The following SMIM36 variants were observed in gnomAD, a reference collection of about 807,000 sequenced individuals.
SMIM36 encodes small integral membrane protein 36.
intron 1 of SMIM36, among the ~76,000 whole-genome samples, chr17:55,486,021 T>C (rs899986078): frequency 1.2e-3 from 79 of 65,014 alleles, no homozygotes; most frequent in Non-Finnish European, 2.4e-3. Context: ...AGAGCTTTCT[T>C]TTTTTTTTTT....
At chr17:55,527,896 C>A in the SMIM36 span, 1 of 152,226 alleles carries the variant, frequency 6.6e-6, no homozygotes, top group Non-Finnish European at 1.5e-5. Context: ...GGTCTGCCTA[C>A]TTAGCCCCAG....
intron 4 of SMIM36, among the ~76,000 whole-genome samples, chr17:55,466,741 A>AC (rs1191816811): frequency 6.6e-6 from 1 of 152,038 alleles, no homozygotes. Flanking sequence ...TATAGGAAGC[A>AC]CCCCGGGTCT....
chr17:55,464,337 T>C (rs773405652), intron 4 of SMIM36, among the ~76,000 whole-genome samples: 106 of 152,248 alleles, frequency 7.0e-4, no homozygotes, highest in Non-Finnish European at 1.3e-3. Context: ...CTTTCCTGAA[T>C]TGAGCTTGTA....
At chr17:55,477,441 T>C (rs1909443741) in intron 3 of SMIM36, among the ~76,000 whole-genome samples, 1 of 152,210 alleles carries the variant, frequency 6.6e-6, no homozygotes, top group Non-Finnish European at 1.5e-5. Context: ...GTCTTCTACA[T>C]GTGTCTGTCT....
the SMIM36 span, among the ~76,000 whole-genome samples, chr17:55,529,609 T>TACACACAC: frequency 0.026 from 3,766 of 142,974 alleles, 176 homozygotes; most frequent in African/African-American, 0.09. Flanking sequence ...CTACTAAAAA[T>TACACACAC]ACACACACAC....
chr17:55,510,034 T>C (rs974120772), intron 1 of SMIM36, among the ~76,000 whole-genome samples: 1 of 152,132 alleles, frequency 6.6e-6, no homozygotes, highest in Admixed American at 6.6e-5. Context: ...TAGCTAACCC[T>C]GTGTGTCAAG....
At chr17:55,469,899 T>G (rs1422680181) in intron 3 of SMIM36, among the ~76,000 whole-genome samples, 1 of 152,112 alleles carries the variant, frequency 6.6e-6, no homozygotes, top group Non-Finnish European at 1.5e-5. Context: ...GGAGAATCAC[T>G]TGAACCTGGG....
At chr17:55,487,079 A>G (rs1229507783) in intron 1 of SMIM36, among the ~76,000 whole-genome samples, 1 of 152,100 alleles carries the variant, frequency 6.6e-6, no homozygotes, top group Non-Finnish European at 1.5e-5. Flanking sequence ...ATTCTAACAT[A>G]ATGGAAACGT....
At chr17:55,507,388 C>G (rs908609730) in intron 1 of SMIM36, among the ~76,000 whole-genome samples, 11 of 137,956 alleles carry the variant, frequency 8.0e-5, no homozygotes, top group African/African-American at 2.8e-4. Context: ...CCATGGAATA[C>G]TATGCAGCCA....
At chr17:55,493,366 C>T (rs114511997) in intron 1 of SMIM36, among the ~76,000 whole-genome samples, 2,768 of 152,236 alleles carry the variant, frequency 0.018, 79 homozygotes, top group African/African-American at 0.059. Flanking sequence ...ACCCCATAAC[C>T]CCAGGCTGCT....
At chr17:55,522,710 C>T in the SMIM36 span, among the ~76,000 whole-genome samples, 33,547 of 151,922 alleles carry the variant, frequency 0.22, 3,963 homozygotes, top group East Asian at 0.51. Context: ...CATGTCACCT[C>T]CATCCCTGGG....
chr17:55,478,021 C>A (rs941536054), intron 3 of SMIM36, among the ~76,000 whole-genome samples: 2 of 151,838 alleles, frequency 1.3e-5, no homozygotes, highest in Non-Finnish European at 2.9e-5. Flanking sequence ...ATGGTGAGAT[C>A]CTGTCTCTAC....
At chr17:55,526,805 C>G in the SMIM36 span, among the ~76,000 whole-genome samples, 1 of 152,144 alleles carries the variant, frequency 6.6e-6, no homozygotes, top group African/African-American at 2.4e-5. Context: ...TCTTTCCCCT[C>G]CCCACACTCT....
intron 1 of SMIM36, among the ~76,000 whole-genome samples, chr17:55,501,762 C>A (rs1001902189): frequency 6.6e-6 from 1 of 151,402 alleles, no homozygotes; most frequent in Non-Finnish European, 1.5e-5. Flanking sequence ...CGGTCTACAG[C>A]TCCCAGCGTG....
intron 4 of SMIM36, among the ~76,000 whole-genome samples, chr17:55,464,155 A>C (rs1909194481): frequency 6.6e-6 from 1 of 152,166 alleles, no homozygotes; most frequent in Admixed American, 6.5e-5. Context: ...AGGATGTTAA[A>C]TGACTTTTCA....
chr17:55,505,118 T>A (rs1453481112), intron 1 of SMIM36, among the ~76,000 whole-genome samples: 1 of 80,724 alleles, frequency 1.2e-5, no homozygotes. Context: ...CAGGACCAGA[T>A]GGATTCACAG....
At chr17:55,466,979 G>A (rs1684125676) in intron 4 of SMIM36, among the ~76,000 whole-genome samples, 166 bp downstream of exon 4, 1 of 152,206 alleles carries the variant, frequency 6.6e-6, no homozygotes. Context: ...AGGGGGAAAT[G>A]AGGCCATCAG....
At chr17:55,470,000 A>C (rs1202528452) in intron 3 of SMIM36, among the ~76,000 whole-genome samples, 2 of 152,048 alleles carry the variant, frequency 1.3e-5, no homozygotes, top group East Asian at 1.9e-4. Flanking sequence ...AACAAAAAAA[A>C]ACCACAACTT....
intron 3 of SMIM36, among the ~76,000 whole-genome samples, chr17:55,467,904 C>T (rs868555101): frequency 6.6e-5 from 10 of 152,234 alleles, no homozygotes; most frequent in South Asian, 2.1e-4. Context: ...TGTTCCCGCC[C>T]CACCCTAACT....
Sources: gnomAD v4.1 joint callset for allele counts (sites outside exome capture counted in the v4.1 genomes callset) on GRCh38, gnomAD v4.1.1 for gene constraint, MANE v1.5 for transcripts, NCBI Gene and HGNC (gene_info 2026-07-23, HGNC 2026-07-21) for gene names.